The following WDPCP variants were observed in gnomAD, a reference collection of about 807,000 sequenced individuals.
WDPCP encodes the protein WD repeat-containing and planar cell polarity effector protein fritz homolog.
Under a neutral mutation model 93.1 loss-of-function variants are expected in WDPCP, and 71 were observed. That is an observed-to-expected ratio of 0.76 (90% CI 0.63 to 0.93). WDPCP has a LOEUF of 0.93. Among genes scored for constraint, WDPCP ranks in the 40% least tolerant of loss-of-function variants. The pLI is 0.00. For missense variants in WDPCP, 844 were observed against 887.4 expected, an observed-to-expected ratio of 0.95 and a Z score of 0.62; for synonymous variants, 315 against 315.0, an observed-to-expected ratio of 1.00 and a Z score of 0.00.
At chr2:63,815,825 T>C (rs1241761573) in intron 1 of WDPCP, among the ~76,000 whole-genome samples, 1 of 152,132 alleles carries the variant, frequency 6.6e-6, no homozygotes. Flanking sequence ...ACTAATAAAG[T>C]ATCGTAACAA....
At chr2:63,275,705 T>C (rs1454735206) in intron 13 of WDPCP, among the ~76,000 whole-genome samples, 1 of 150,796 alleles carries the variant, frequency 6.6e-6, no homozygotes, top group African/African-American at 2.4e-5. Flanking sequence ...ATGAGGAAAA[T>C]GAAATAACAC....
intron 3 of WDPCP, among the ~76,000 whole-genome samples, chr2:63,639,675 A>G (rs1709959832): frequency 6.6e-6 from 1 of 152,232 alleles, no homozygotes; most frequent in Non-Finnish European, 1.5e-5. Flanking sequence ...TCATAGCAGA[A>G]GATATGCAGG....
chr2:63,507,469 T>C (rs141811243), intron 1 of WDPCP, among the ~76,000 whole-genome samples: 1 of 151,984 alleles, frequency 6.6e-6, no homozygotes, highest in Non-Finnish European at 1.5e-5. Flanking sequence ...TTAACAATCA[T>C]GTATTATTTT....
Position 63,277,587 on chromosome 2 carries a change from G to A in WDPCP, c.1813-18178C>T, listed in dbSNP as rs545585587. On this transcript the variant is annotated intron_variant, in intron 13 of 17. Coordinates refer to ENST00000272321, the MANE Select transcript of WDPCP (RefSeq NM_015910.7). Reference sequence around the variant, plus strand: ...TATTCCATGCAAATGGACAACAAAAGTGAGCAGGAGTAGCTATTTTTATAT... The same window carrying A: ...TATTCCATGCAAATGGACAACAAAAATGAGCAGGAGTAGCTATTTTTATAT... Among the ~76,000 whole-genome samples, 3 of 152,290 alleles carry A rather than the reference G, an allele frequency of 2.0e-5. No individual in the cohort carries two copies. The East Asian group carries it at 5.8e-4, about 29-fold the overall frequency.
At chr2:63,256,320 C>T (rs1681140363) in intron 14 of WDPCP, among the ~76,000 whole-genome samples, 1 of 152,070 alleles carries the variant, frequency 6.6e-6, no homozygotes, top group African/African-American at 2.4e-5. Context: ...GATATTTGTG[C>T]AAGTATAGAC....
intron 3 of WDPCP, among the ~76,000 whole-genome samples, chr2:63,602,270 G>C (rs1709432953): frequency 6.6e-6 from 1 of 151,098 alleles, no homozygotes; most frequent in Admixed American, 6.6e-5. Flanking sequence ...TTAGTATGAA[G>C]ACCAGTCGAG....
chr2:63,240,590 T>C (rs538389703), intron 14 of WDPCP, among the ~76,000 whole-genome samples: 7 of 152,314 alleles, frequency 4.6e-5, no homozygotes, highest in Admixed American at 1.3e-4. Flanking sequence ...ACTAGCTACA[T>C]TGGACACGTA....
intron 13 of WDPCP, among the ~76,000 whole-genome samples, chr2:63,303,455 C>T (rs554336835): frequency 5.3e-5 from 8 of 152,118 alleles, no homozygotes; most frequent in Non-Finnish European, 8.8e-5. Context: ...TTGACTGATA[C>T]GCCTGGACCC....
intron 6 of WDPCP, among the ~76,000 whole-genome samples, chr2:63,480,904 A>C (rs1458527505): frequency 2.6e-5 from 4 of 152,182 alleles, no homozygotes; most frequent in Non-Finnish European, 5.9e-5. Flanking sequence ...ATTAAACTAA[A>C]GAGCTTTTGC....
At chr2:63,696,951 T>C (rs1668968082) in intron 2 of WDPCP, among the ~76,000 whole-genome samples, 1 of 152,236 alleles carries the variant, frequency 6.6e-6, no homozygotes, top group Non-Finnish European at 1.5e-5. Flanking sequence ...ACCTGGTACA[T>C]AGTCTGTCCT....
chr2:63,330,713 A>C (rs761741900), intron 12 of WDPCP, among the ~76,000 whole-genome samples: 7 of 152,094 alleles, frequency 4.6e-5, no homozygotes, highest in Non-Finnish European at 8.8e-5. Flanking sequence ...TTAGTTTCAC[A>C]GTTTTATGTT....
chr2:63,451,671 T>C (rs563138646), intron 6 of WDPCP, among the ~76,000 whole-genome samples: 6 of 152,300 alleles, frequency 3.9e-5, no homozygotes, highest in Non-Finnish European at 8.8e-5. Context: ...ATATCCCTGA[T>C]GAACACTGAT....
intron 2 of WDPCP, among the ~76,000 whole-genome samples, chr2:63,712,112 C>A (rs1180001662): frequency 6.6e-6 from 1 of 152,120 alleles, no homozygotes; most frequent in Admixed American, 6.5e-5. Flanking sequence ...CATTAGGGGC[C>A]AAACCAAGTC....
chr2:63,226,610 C>G (rs2104520204), intron 14 of WDPCP, among the ~76,000 whole-genome samples: 1 of 151,874 alleles, frequency 6.6e-6, no homozygotes, highest in Non-Finnish European at 1.5e-5. Flanking sequence ...ATGAATGCAT[C>G]TCAAATACCT....
intron 12 of WDPCP, among the ~76,000 whole-genome samples, chr2:63,327,396 A>C (rs1168444512): frequency 6.6e-6 from 1 of 152,182 alleles, no homozygotes; most frequent in East Asian, 1.9e-4. Flanking sequence ...GTTTGCTAAA[A>C]CTTAACAGTG....
At chr2:63,704,513 G>C (rs1575752376) in intron 2 of WDPCP, among the ~76,000 whole-genome samples, 1 of 152,198 alleles carries the variant, frequency 6.6e-6, no homozygotes, top group Non-Finnish European at 1.5e-5. Flanking sequence ...ATGAAGGGTT[G>C]TTGAATTTTG....
At chr2:63,555,417 G>A (rs1186901493) in intron 1 of WDPCP, among the ~76,000 whole-genome samples, 1 of 152,076 alleles carries the variant, frequency 6.6e-6, no homozygotes, top group Non-Finnish European at 1.5e-5. Flanking sequence ...TTCCCCTGCT[G>A]TCTCTAGAGA....
chr2:63,805,243 C>T (rs922846225), intron 2 of WDPCP, among the ~76,000 whole-genome samples: 4 of 152,192 alleles, frequency 2.6e-5, no homozygotes, highest in Admixed American at 2.6e-4. Flanking sequence ...AACCCATATG[C>T]TCAGTGAGTG....
intron 3 of WDPCP, among the ~76,000 whole-genome samples, chr2:63,610,010 C>A (rs763649819): frequency 2.0e-5 from 3 of 152,198 alleles, no homozygotes; most frequent in Non-Finnish European, 4.4e-5. Context: ...AATATTCACA[C>A]TGTGAAACTG....
Sources: gnomAD v4.1 joint callset for allele counts (sites outside exome capture counted in the v4.1 genomes callset) on GRCh38, gnomAD v4.1.1 for gene constraint, MANE v1.5 for transcripts, NCBI Gene and HGNC (gene_info 2026-07-23, HGNC 2026-07-21) for gene names.